The following SDK1 variants were observed in gnomAD, a reference collection of about 807,000 sequenced individuals.
The protein encoded by SDK1 is sidekick cell adhesion molecule 1.
A neutral mutation model predicts 245.5 loss-of-function variants in SDK1; 157 were observed. That is an observed-to-expected ratio of 0.64 (90% CI 0.56 to 0.73). The LOEUF is 0.73. Among genes scored for constraint, SDK1 ranks in the 30% least tolerant of loss-of-function variants. The probability of loss-of-function intolerance (pLI) is 0.00; values close to 1 mark genes in which losing one functional copy is unlikely to be tolerated. For missense variants in SDK1, 3,583 were observed against 3,002.3 expected, an observed-to-expected ratio of 1.19 and a Z score of -4.52; for synonymous variants, 1,647 against 1,278.5, an observed-to-expected ratio of 1.29 and a Z score of -6.15.
intron 4 of SDK1, among the ~76,000 whole-genome samples, chr7:3,672,796 A>ATGT (rs1554307151): frequency 1.9e-5 from 1 of 53,416 alleles, no homozygotes. Context: ...TATATATATA[A>ATGT]AAAATACAGA....
At chr7:3,611,162 T>C (rs12112297) in intron 1 of SDK1, among the ~76,000 whole-genome samples, 8,859 of 152,178 alleles carry the variant, frequency 0.058, 783 homozygotes, top group African/African-American at 0.19. Context: ...TTTTTTAGAT[T>C]GACAGAAGAT....
At chr7:3,848,219 G>T (rs550333257) in intron 5 of SDK1, among the ~76,000 whole-genome samples, 62 of 152,336 alleles carry the variant, frequency 4.1e-4, no homozygotes, top group African/African-American at 1.4e-3. Context: ...AATTGGAAAC[G>T]CATCTCTTAA....
intron 4 of SDK1, among the ~76,000 whole-genome samples, chr7:3,754,925 G>C (rs1181868609): frequency 6.6e-6 from 1 of 152,194 alleles, no homozygotes; most frequent in Non-Finnish European, 1.5e-5. Context: ...GTTACGCCTG[G>C]AGTTTCTTAC....
rs186067648 is a variant in SDK1 at position 3,764,573 on chromosome 7, T to C, written c.714-56877T>C. Reference sequence around the variant, plus strand: ...TGGTGGCCCTTGTAATCCCAGCTAATTGGGAGGCTGAGGCAAGAGAATTGC... The same window carrying C: ...TGGTGGCCCTTGTAATCCCAGCTAACTGGGAGGCTGAGGCAAGAGAATTGC... On this transcript the variant is annotated intron_variant, in intron 4 of 44. Coordinates refer to ENST00000404826, the MANE Select transcript of SDK1 (RefSeq NM_152744.4). Among the ~76,000 whole-genome samples, 561 of 152,048 alleles carry C rather than the reference T, an allele frequency of 3.7e-3. 1 individual carries two copies. Among genetic ancestry groups the C allele is most frequent in the African/African-American group, 0.013 (526 of 41,444 alleles).
chr7:3,579,801 A>T (rs1023886992), intron 1 of SDK1, among the ~76,000 whole-genome samples: 7 of 152,178 alleles, frequency 4.6e-5, no homozygotes, highest in Non-Finnish European at 8.8e-5. Flanking sequence ...CCAAAGAGAG[A>T]GGAAGTCAAA....
At chr7:3,412,299 C>G (rs1779232351) in intron 1 of SDK1, among the ~76,000 whole-genome samples, 1 of 152,170 alleles carries the variant, frequency 6.6e-6, no homozygotes, top group Non-Finnish European at 1.5e-5. Flanking sequence ...ATAATACAAA[C>G]ATGTATACTA....
At chr7:3,513,418 G>A (rs532576033) in intron 1 of SDK1, among the ~76,000 whole-genome samples, 11 of 152,064 alleles carry the variant, frequency 7.2e-5, no homozygotes, top group Non-Finnish European at 1.6e-4. Flanking sequence ...CCTTAATTAA[G>A]GTAAAATATA....
intron 1 of SDK1, among the ~76,000 whole-genome samples, chr7:3,334,590 C>T (rs968080492): frequency 5.9e-5 from 9 of 152,214 alleles, no homozygotes; most frequent in Middle Eastern, 3.4e-3. Flanking sequence ...AGAGGCCCCA[C>T]GACAGCCTCG....
intron 8 of SDK1, among the ~76,000 whole-genome samples, chr7:3,961,653 A>G (rs998187909): frequency 6.6e-6 from 1 of 152,140 alleles, no homozygotes; most frequent in Admixed American, 6.5e-5. Flanking sequence ...TTAACCTAAC[A>G]AATTGCTCCT....
At chr7:4,258,786 G>C (rs1356746390) in intron 44 of SDK1, among the ~76,000 whole-genome samples, 3 of 152,188 alleles carry the variant, frequency 2.0e-5, no homozygotes, top group Non-Finnish European at 4.4e-5. Context: ...TGGGAATATA[G>C]TCAAAAGAGG....
intron 2 of SDK1, among the ~76,000 whole-genome samples, chr7:3,638,499 C>T (rs1362030641): frequency 3.3e-5 from 5 of 151,614 alleles, no homozygotes. Flanking sequence ...ATGGATGAAG[C>T]TGGAAACCAT....
At chr7:3,710,796 C>T (rs1016747907) in intron 4 of SDK1, among the ~76,000 whole-genome samples, 4 of 152,212 alleles carry the variant, frequency 2.6e-5, no homozygotes, top group Non-Finnish European at 5.9e-5. Context: ...AAAATTCCTT[C>T]AGGATGTTTG....
At chr7:4,239,976 A>G (rs1483647085) in intron 42 of SDK1, among the ~76,000 whole-genome samples, 1 of 152,180 alleles carries the variant, frequency 6.6e-6, no homozygotes, top group Non-Finnish European at 1.5e-5. Flanking sequence ...CAGTCACCTA[A>G]AATGCCTCCT....
chr7:3,535,633 C>G (rs903444051), intron 1 of SDK1, among the ~76,000 whole-genome samples: 1 of 152,176 alleles, frequency 6.6e-6, no homozygotes, highest in East Asian at 1.9e-4. Context: ...TTGTAATATT[C>G]CCTCATTGTA....
At chr7:4,236,383 C>T (rs907782297) in intron 41 of SDK1, among the ~76,000 whole-genome samples, 1 of 152,082 alleles carries the variant, frequency 6.6e-6, no homozygotes, top group Non-Finnish European at 1.5e-5. Flanking sequence ...GAGCGTCCTT[C>T]AAAGCCGCCT....
intron 1 of SDK1, among the ~76,000 whole-genome samples, chr7:3,429,571 T>C (rs1779772272): frequency 1.3e-5 from 2 of 152,016 alleles, no homozygotes. Flanking sequence ...GAAAATGTAA[T>C]TTGATACCCA....
At chr7:3,787,709 A>T (rs140536403) in intron 4 of SDK1, among the ~76,000 whole-genome samples, 2 of 152,170 alleles carry the variant, frequency 1.3e-5, no homozygotes, top group Non-Finnish European at 2.9e-5. Context: ...ATCAGAAAAC[A>T]GTTAACTCAG....
At chr7:4,125,040 AGATG>A (rs941702437) in intron 25 of SDK1, among the ~76,000 whole-genome samples, 8 of 143,280 alleles carry the variant, frequency 5.6e-5, no homozygotes, top group African/African-American at 7.8e-5. Context: ...ATGAATGAAT[AGATG>A]GATGGATGGA....
intron 40 of SDK1, among the ~76,000 whole-genome samples, chr7:4,227,668 T>A (rs1785522086): frequency 6.6e-6 from 1 of 152,262 alleles, no homozygotes; most frequent in Non-Finnish European, 1.5e-5. Context: ...ATGGAGACCC[T>A]GTTTAATTGT....
Sources: gnomAD v4.1 joint callset for allele counts (sites outside exome capture counted in the v4.1 genomes callset) on GRCh38, gnomAD v4.1.1 for gene constraint, MANE v1.5 for transcripts, NCBI Gene and HGNC (gene_info 2026-07-23, HGNC 2026-07-21) for gene names.